Variants in SIPA1L1 observed in about 807,000 individuals in gnomAD.
SIPA1L1 encodes signal-induced proliferation-associated 1-like protein 1.
Under a neutral mutation model 162.7 loss-of-function variants are expected in SIPA1L1, and 26 were observed. That is an observed-to-expected ratio of 0.16 (90% confidence interval 0.12 to 0.22). The LOEUF is 0.22. Ranked by LOEUF, SIPA1L1 falls within the 10% of genes least tolerant of loss-of-function variation. The pLI, the probability that SIPA1L1 is intolerant of heterozygous loss-of-function variation, is 1.00. For missense variants in SIPA1L1, 1,874 were observed against 2,241.0 expected (o/e 0.84, Z 3.31); for synonymous variants, 829 against 837.4 (o/e 0.99, Z 0.17).
Position 71,730,105 on chromosome 14 carries a change from A to G in SIPA1L1, c.4665A>G (p.Ser1555=). Residue 1555 remains serine, a synonymous_variant, in exon 20 of 24, where the codon TCA becomes TCG. Coordinates refer to ENST00000381232, the MANE Select transcript of SIPA1L1 (RefSeq NM_001386936.1). ...CTCCTTTCCCCAGCACCCCCACCTCACGGCGGGCCTTGCACAGAACACTGT... is the reference window on the plus strand; with the variant it reads ...CTCCTTTCCCCAGCACCCCCACCTCGCGGCGGGCCTTGCACAGAACACTGT... ...PQSPFPSTPT[S]RRALHRTLSD... 6.2e-7 allele frequency: 1 copy of G among 1,613,938 alleles called. No homozygotes were observed. The highest frequency in any genetic ancestry group is 1.1e-5 in the South Asian group (1 of 91,062).
intron 2 of SIPA1L1, among the ~76,000 whole-genome samples, chr14:71,474,527 A>G (rs772590459): frequency 1.3e-5 from 2 of 152,236 alleles, no homozygotes; most frequent in African/African-American, 4.8e-5. Context: ...GACAAAGCCT[A>G]TAAGGAGATC....
intron 4 of SIPA1L1, among the ~76,000 whole-genome samples, chr14:71,580,440 G>C (rs563054428): frequency 2.3e-4 from 35 of 152,322 alleles, no homozygotes; most frequent in African/African-American, 8.2e-4. Flanking sequence ...GAGGGGACAA[G>C]GTGAAGGCTG....
At chr14:71,587,312 G>GC (rs1022165630) in intron 4 of SIPA1L1, among the ~76,000 whole-genome samples, 1 of 150,812 alleles carries the variant, frequency 6.6e-6, no homozygotes, top group Non-Finnish European at 1.5e-5. Flanking sequence ...CCCTCCCCCT[G>GC]CCCCCCATTT....
At chr14:71,693,621 C>T (rs894567549) in intron 13 of SIPA1L1, among the ~76,000 whole-genome samples, 14 of 152,104 alleles carry the variant, frequency 9.2e-5, no homozygotes, top group African/African-American at 3.4e-4. Context: ...AAGACAGGCA[C>T]GAGTTGCTTG....
At chr14:71,372,073 C>A (rs2141026072) in intron 2 of SIPA1L1, among the ~76,000 whole-genome samples, 1 of 152,262 alleles carries the variant, frequency 6.6e-6, no homozygotes, top group East Asian at 1.9e-4. Flanking sequence ...AACCACAGTT[C>A]AGATATTATG....
At chr14:71,684,223 A>T (rs2046065878) in intron 12 of SIPA1L1, among the ~76,000 whole-genome samples, 1 of 152,216 alleles carries the variant, frequency 6.6e-6, no homozygotes, top group South Asian at 2.1e-4. Flanking sequence ...CCAACAACAA[A>T]AACTCTACTG....
chr14:71,467,180 T>C (rs939354842), intron 2 of SIPA1L1: 1 of 152,178 alleles, frequency 6.6e-6, no homozygotes, highest in Admixed American at 6.5e-5. Context: ...CAACATTGTA[T>C]GTGTGTGGAT....
intron 2 of SIPA1L1, among the ~76,000 whole-genome samples, chr14:71,395,032 A>C (rs1036074216): frequency 5.9e-5 from 9 of 152,254 alleles, no homozygotes; most frequent in African/African-American, 2.2e-4. Context: ...AGGCATAATT[A>C]TAGCCAAATG....
At chr14:71,410,828 A>T (rs1027306546) in intron 2 of SIPA1L1, among the ~76,000 whole-genome samples, 1 of 152,302 alleles carries the variant, frequency 6.6e-6, no homozygotes, top group Admixed American at 6.5e-5. Context: ...AGAACATTAC[A>T]TGCAAATTGT....
At chr14:71,659,091 G>A (rs2043297154) in intron 9 of SIPA1L1, among the ~76,000 whole-genome samples, 1 of 152,172 alleles carries the variant, frequency 6.6e-6, no homozygotes, top group South Asian at 2.1e-4. Context: ...TATTGTTTTA[G>A]GGAATATGTG....
At chr14:71,463,112 T>C (rs1425457867) in intron 2 of SIPA1L1, among the ~76,000 whole-genome samples, 1 of 152,212 alleles carries the variant, frequency 6.6e-6, no homozygotes, top group Non-Finnish European at 1.5e-5. Context: ...TCACCATCCC[T>C]GCGTCTTTCA....
intron 5 of SIPA1L1, among the ~76,000 whole-genome samples, chr14:71,599,406 C>A (rs1258089843): frequency 6.6e-6 from 1 of 151,406 alleles, no homozygotes; most frequent in Non-Finnish European, 1.5e-5. Context: ...CCCGCCTCGG[C>A]CTCGCAAAGT....
intron 2 of SIPA1L1, among the ~76,000 whole-genome samples, chr14:71,480,340 C>A (rs1049748895): frequency 1.3e-5 from 2 of 151,414 alleles, no homozygotes; most frequent in Non-Finnish European, 2.9e-5. Flanking sequence ...CTGCCCACCT[C>A]GGCCTCCCAA....
intron 2 of SIPA1L1, among the ~76,000 whole-genome samples, chr14:71,325,030 A>G (rs961131683): frequency 6.6e-6 from 1 of 152,126 alleles, no homozygotes; most frequent in Admixed American, 6.5e-5. Context: ...AATGCCCTTG[A>G]GGTGAGGGGG....
rs1211639723 is a variant in SIPA1L1 at position 71,560,048 on chromosome 14, A to C, written c.-302-27523A>C. The stretch of plus-strand genomic sequence containing the variant: ...AAGATGCATCTTAAGACCCTACTGT[A>C]ATCTACCTACCATTAATGTGTTCAT... On this transcript the variant is annotated intron_variant, in intron 4 of 23. Transcript: ENST00000381232. Among the ~76,000 whole-genome samples the C allele has an allele frequency of 2.0e-5, 3 of 152,178 alleles. No individual in the cohort carries two copies. The East Asian group carries it at 5.8e-4, about 29-fold the overall frequency.
rs71105772 is a variant in SIPA1L1, at chr14:71,356,567, C to CAAAAAAAAAAAAAAAAAAAAAAAAAA, written c.-465+35406_-465+35407insAAAAAAAAAAAAAAAAAAAAAAAAAA. 4.6e-4 allele frequency among the ~76,000 whole-genome samples: 18 copies of CAAAAAAAAAAAAAAAAAAAAAAAAAA among 39,160 alleles called. 6 individuals are homozygous for CAAAAAAAAAAAAAAAAAAAAAAAAAA. The highest frequency in any genetic ancestry group is 7.9e-4 in the East Asian group (1 of 1,264). 25.7% of individuals were successfully genotyped at this position (39,160 alleles called of 152,430 possible). ...GCAACATAGCAAGACCTTGTCTCTACAAAAAAAAAAAAAAAAAAAAGCACA... is the reference window on the plus strand; with the variant it reads ...GCAACATAGCAAGACCTTGTCTCTACAAAAAAAAAAAAAAAAAAAAAAAAAAAAAAAAAAAAAAAAAAAAAAGCACA... On this transcript the variant is annotated intron_variant, in intron 2 of 23. Coordinates refer to ENST00000381232, the MANE Select transcript of SIPA1L1 (RefSeq NM_001386936.1).
intron 2 of SIPA1L1, among the ~76,000 whole-genome samples, chr14:71,409,314 CTAGAG>C (rs897639106): frequency 3.3e-5 from 5 of 152,022 alleles, no homozygotes; most frequent in African/African-American, 1.2e-4. Flanking sequence ...CGTGGTGTGG[CTAGAG>C]TAGAGTGGTT....
At position 71,529,362 on chromosome 14, in the gene SIPA1L1, A is replaced by G. The variant is rs1395191891; in HGVS notation, c.-311A>G. 1.5e-6 allele frequency: 1 copy of G among 683,906 alleles called. No individual in the cohort carries two copies. The highest frequency in any genetic ancestry group is 1.8e-5 in the African/African-American group (1 of 56,550). The allele number at this position is 683,906 out of a possible 1,614,324, so 42.4% of individuals were successfully genotyped here. ...GTCTAAATTTCGGTAGCCATGGCAC[A>G]AGAATATAGTAAGTACTATGCCATA... On this transcript the variant is annotated 5_prime_UTR_variant, in exon 4 of 24. Coordinates refer to ENST00000381232, the MANE Select transcript of SIPA1L1 (RefSeq NM_001386936.1).
At chr14:71,577,361 G>A (rs1359471882) in intron 4 of SIPA1L1, among the ~76,000 whole-genome samples, 1 of 151,588 alleles carries the variant, frequency 6.6e-6, no homozygotes, top group Admixed American at 6.6e-5. Context: ...GAGAGAGCCT[G>A]CTATATAGTG....
Sources: gnomAD v4.1 joint callset for allele counts (sites outside exome capture counted in the v4.1 genomes callset) on GRCh38, gnomAD v4.1.1 for gene constraint, MANE v1.5 for transcripts, NCBI Gene and HGNC (gene_info 2026-07-23, HGNC 2026-07-21) for gene names.